The following CDH4 variants were observed in gnomAD, a reference collection of about 807,000 sequenced individuals.
The protein encoded by CDH4 is cadherin 4, also known as cadherin-4.
CDH4 carries 33 observed loss-of-function variants against 86.0 expected under a neutral mutation model. That is an observed-to-expected ratio of 0.38 (90% CI 0.29 to 0.51). The LOEUF is 0.51. Ranked by LOEUF, CDH4 falls within the 20% of genes least tolerant of loss-of-function variation. The pLI is 0.86. For missense variants in CDH4, 1,114 were observed against 1,307.4 expected, an observed-to-expected ratio of 0.85 and a Z score of 2.28; for synonymous variants, 555 against 549.4, an observed-to-expected ratio of 1.01 and a Z score of -0.14.
chr20:61,773,196 C>T lies in CDH4; in HGVS notation c.576+14C>T. ...CAGCTCGTGAGGGTGAGTGCAGACC[C>T]CTCCCGCGGGCACGGGGGTCTCGGC... is the stretch of plus-strand genomic sequence containing the variant. On this transcript the variant is annotated intron_variant, in intron 4 of 15. Transcript: ENST00000614565. 6.6e-7 allele frequency: 1 copy of T among 1,522,912 alleles called. No individual in the cohort carries two copies. The highest frequency in any genetic ancestry group is 8.9e-7 in the Non-Finnish European group (1 of 1,126,922). 94.3% of individuals were successfully genotyped at this position (1,522,912 alleles called of 1,614,324 possible).
intron 2 of CDH4, among the ~76,000 whole-genome samples, chr20:61,733,967 C>A (rs968061491): frequency 6.6e-6 from 1 of 152,232 alleles, no homozygotes; most frequent in Non-Finnish European, 1.5e-5. Context: ...AGGCTCCTGC[C>A]GCAGAGGAAG....
At position 61,406,857 on chromosome 20, in the gene CDH4, GCCATCTGCTCTGCCCGGACCA is replaced by G. The variant is rs1412590969; in HGVS notation, c.169+151956_169+151976del. Among the ~76,000 whole-genome samples the G allele has an allele frequency of 1.4e-4, 19 of 132,462 alleles. No individual in the cohort carries two copies. In the East Asian group the frequency reaches 1.4e-3, roughly 10 times the overall value. The allele number at this position is 132,462 out of a possible 152,430, so 86.9% of individuals were successfully genotyped here. A position where few individuals can be genotyped will look rare whatever the true frequency, so the allele number is the denominator to read the frequency against. On this transcript the variant is annotated intron_variant, in intron 2 of 15. Transcript: ENST00000614565. Reference sequence around the variant, plus strand: ...ATCTTCTCTGCCTGGACCACCATCTGCCATCTGCTCTGCCCGGACCACCATCTGCTCTGCCCGGACCACCAT... The same window carrying G: ...ATCTTCTCTGCCTGGACCACCATCTGCCATCTGCTCTGCCCGGACCACCAT...
At chr20:61,357,243 GT>G (rs2084755463) in intron 2 of CDH4, among the ~76,000 whole-genome samples, 2 of 152,294 alleles carry the variant, frequency 1.3e-5, no homozygotes, top group Middle Eastern at 3.4e-3. Flanking sequence ...TAGTTATCCA[GT>G]TTTGCTTTGT....
chr20:61,661,147 A>C lies in CDH4; in HGVS notation c.170-82416A>C, dbSNP rs148392788. Among the ~76,000 whole-genome samples, 362 of 142,212 alleles carry C rather than the reference A, an allele frequency of 2.5e-3. 2 individuals are homozygous for C. The highest frequency in any genetic ancestry group is 4.0e-3 in the Non-Finnish European group (267 of 66,558). 93.3% of individuals were successfully genotyped at this position (142,212 alleles called of 152,430 possible). On this transcript the variant is annotated intron_variant, in intron 2 of 15. Coordinates refer to ENST00000614565, the MANE Select transcript of CDH4 (RefSeq NM_001794.5). ...TGGGTGCGGTAGGGCAGCTTCTTGCATGTTGCACCTGCTCCCCAAGCTCCA... is the reference window on the plus strand; with the variant it reads ...TGGGTGCGGTAGGGCAGCTTCTTGCCTGTTGCACCTGCTCCCCAAGCTCCA...
intron 2 of CDH4, among the ~76,000 whole-genome samples, chr20:61,278,996 C>A (rs2084244448): frequency 6.6e-6 from 1 of 152,228 alleles, no homozygotes; most frequent in Non-Finnish European, 1.5e-5. Flanking sequence ...GCCAGGGGAG[C>A]TGGGACCAGC....
At chr20:61,739,860 C>T (rs1246003173) in intron 2 of CDH4, among the ~76,000 whole-genome samples, 4 of 152,212 alleles carry the variant, frequency 2.6e-5, no homozygotes, top group East Asian at 1.9e-4. Context: ...CCTCTCCAGC[C>T]GACGCCTCAG....
chr20:61,439,343 C>T lies in CDH4; in HGVS notation c.169+184406C>T, dbSNP rs188082713. The stretch of plus-strand genomic sequence containing the variant: ...GCTCAGAGGCGTCAAACAGCTGCTC[C>T]GTGGCTCTGAGGGTTGGCTGGGCTC... On this transcript the variant is annotated intron_variant, in intron 2 of 15. Coordinates refer to ENST00000614565, the MANE Select transcript of CDH4 (RefSeq NM_001794.5). Among the ~76,000 whole-genome samples the T allele has an allele frequency of 3.4e-3, 520 of 152,208 alleles. 1 individual carries two copies. Among genetic ancestry groups the T allele is most frequent in the Non-Finnish European group, 6.0e-3 (411 of 68,020 alleles).
intron 2 of CDH4, among the ~76,000 whole-genome samples, chr20:61,635,007 G>A (rs1480274314): frequency 6.6e-6 from 1 of 152,216 alleles, no homozygotes; most frequent in Non-Finnish European, 1.5e-5. Flanking sequence ...GCCATTCTAT[G>A]TAGAGGCGGC....
At chr20:61,874,418 G>C (rs555021552) in intron 7 of CDH4, among the ~76,000 whole-genome samples, 1 of 152,192 alleles carries the variant, frequency 6.6e-6, no homozygotes, top group South Asian at 2.1e-4. Flanking sequence ...TTGGTGCTGG[G>C]TTCCATGCGC....
chr20:61,565,956 C>T (rs1185032983), intron 2 of CDH4, among the ~76,000 whole-genome samples: 1 of 152,200 alleles, frequency 6.6e-6, no homozygotes, highest in Non-Finnish European at 1.5e-5. Flanking sequence ...TGTTGCCTCC[C>T]ACCTGATGGG....
At chr20:61,306,180 T>C (rs1245068875) in intron 2 of CDH4, among the ~76,000 whole-genome samples, 1 of 152,190 alleles carries the variant, frequency 6.6e-6, no homozygotes, top group African/African-American at 2.4e-5. Context: ...CAAAGGTTGC[T>C]GGAAAGCATG....
intron 2 of CDH4, among the ~76,000 whole-genome samples, chr20:61,315,849 G>A (rs921196766): frequency 6.6e-6 from 1 of 152,176 alleles, no homozygotes; most frequent in Admixed American, 6.5e-5. Flanking sequence ...GACTACAGGT[G>A]TACACCACCA....
intron 2 of CDH4, among the ~76,000 whole-genome samples, chr20:61,657,889 G>A (rs545221693): frequency 5.9e-5 from 9 of 152,192 alleles, no homozygotes; most frequent in East Asian, 1.9e-4. Flanking sequence ...TCACGGTGCC[G>A]GGCCTGGGAA....
intron 7 of CDH4, among the ~76,000 whole-genome samples, chr20:61,887,812 T>C (rs1388578047): frequency 1.3e-5 from 2 of 152,234 alleles, no homozygotes; most frequent in African/African-American, 4.8e-5. Flanking sequence ...CTGGTCCTTC[T>C]GGCGGTGCCA....
intron 2 of CDH4, among the ~76,000 whole-genome samples, chr20:61,381,930 G>T (rs2084903736): frequency 9.6e-6 from 1 of 103,920 alleles, no homozygotes; most frequent in African/African-American, 4.3e-5. Flanking sequence ...CAAAAGATTA[G>T]CCAGGCATGG....
At position 61,254,944 on chromosome 20, in the gene CDH4, C is replaced by G; in HGVS notation, c.169+7C>G. On this transcript the variant is annotated splice_region_variant and intron_variant, in intron 2 of 15. Coordinates refer to ENST00000614565, the MANE Select transcript of CDH4 (RefSeq NM_001794.5). ...GGGGAAAAGCTACTTCAAGGTAAGG[C>G]GGGGTGTGGAGGGGTGGGAGTGAAT... 2.0e-6 allele frequency: 3 copies of G among 1,466,946 alleles called. No individual in the cohort carries two copies. The highest frequency in any genetic ancestry group is 2.9e-6 in the Non-Finnish European group (3 of 1,047,060). 90.9% of individuals were successfully genotyped at this position (1,466,946 alleles called of 1,614,324 possible).
At chr20:61,666,263 C>T (rs905145495) in intron 2 of CDH4, among the ~76,000 whole-genome samples, 1 of 152,200 alleles carries the variant, frequency 6.6e-6, no homozygotes, top group Non-Finnish European at 1.5e-5. Flanking sequence ...GATGGCTGCA[C>T]AGATGAGAGC....
intron 2 of CDH4, among the ~76,000 whole-genome samples, chr20:61,695,658 C>T (rs1284846474): frequency 3.9e-5 from 6 of 152,190 alleles, no homozygotes; most frequent in Admixed American, 6.5e-5. Flanking sequence ...TCCTCCAGCA[C>T]GTCCCACAGG....
chr20:61,652,199 G>T (rs1300806357), intron 2 of CDH4, among the ~76,000 whole-genome samples: 1 of 152,134 alleles, frequency 6.6e-6, no homozygotes, highest in Non-Finnish European at 1.5e-5. Context: ...GAAAATACTG[G>T]AAAGAAAATA....
Sources: allele counts gnomAD v4.1 joint callset (sites outside exome capture counted in the v4.1 genomes callset), GRCh38; gene constraint gnomAD v4.1.1; transcripts MANE v1.5; gene names NCBI Gene and HGNC (gene_info 2026-07-23, HGNC 2026-07-21).